PTPRT: variants seen among roughly 807,000 people sequenced by gnomAD.
PTPRT encodes the protein receptor-type tyrosine-protein phosphatase T.
Under a neutral mutation model 176.8 loss-of-function variants are expected in PTPRT, and 56 were observed. That is an observed-to-expected ratio of 0.32 (90% CI 0.26 to 0.40). The LOEUF (loss-of-function observed/expected upper bound fraction) is 0.40, where lower values mean the gene tolerates loss of function less well. PTPRT is among the 10% of genes least tolerant of loss of function. PTPRT has a pLI of 1.00. For synonymous variants in PTPRT, 783 were observed against 739.0 expected (o/e 1.06, Z -0.96); for missense variants, 1,540 against 1,908.2 (o/e 0.81, Z 3.60).
intron 2 of PTPRT, among the ~76,000 whole-genome samples, chr20:42,812,503 C>T (rs1322822382): frequency 4.6e-5 from 7 of 152,056 alleles, no homozygotes; most frequent in Admixed American, 4.6e-4. Flanking sequence ...TGAACAGTAA[C>T]AATTTTTGGG....
chr20:43,045,326 C>A (rs757257226), intron 1 of PTPRT, among the ~76,000 whole-genome samples: 2 of 152,118 alleles, frequency 1.3e-5, no homozygotes, highest in South Asian at 4.1e-4. Flanking sequence ...CCTCCATGGG[C>A]GGATCAGATA....
intron 1 of PTPRT, among the ~76,000 whole-genome samples, chr20:43,106,897 C>G (rs1410160380): frequency 1.3e-5 from 2 of 151,910 alleles, no homozygotes; most frequent in Admixed American, 1.3e-4. Flanking sequence ...TTCAAGCCAT[C>G]CTCCCACCTC....
chr20:42,623,593 C>T (rs1433202837), intron 7 of PTPRT, among the ~76,000 whole-genome samples: 1 of 152,158 alleles, frequency 6.6e-6, no homozygotes, highest in Non-Finnish European at 1.5e-5. Context: ...ATGTGAGAGG[C>T]CTGAGGGACA....
chr20:42,859,150 T>C (rs111599659), intron 2 of PTPRT, among the ~76,000 whole-genome samples: 3,411 of 152,232 alleles, frequency 0.022, 55 homozygotes, highest in Middle Eastern at 0.051. Context: ...ATCAAGAAGG[T>C]ACACCATTTT....
intron 9 of PTPRT, among the ~76,000 whole-genome samples, chr20:42,431,654 T>C (rs1256270534): frequency 6.6e-6 from 1 of 152,180 alleles, no homozygotes; most frequent in Non-Finnish European, 1.5e-5. Flanking sequence ...GTTATAAAAA[T>C]TGGCCAAGAA....
intron 19 of PTPRT, among the ~76,000 whole-genome samples, chr20:42,121,710 T>C (rs2146336615): frequency 6.7e-6 from 1 of 149,054 alleles, no homozygotes; most frequent in South Asian, 2.1e-4. Flanking sequence ...TATATATATA[T>C]ATATATAGTA....
intron 1 of PTPRT, among the ~76,000 whole-genome samples, chr20:43,187,194 T>C (rs1169615905): frequency 6.6e-6 from 1 of 152,250 alleles, no homozygotes; most frequent in East Asian, 1.9e-4. Context: ...AACTATGTTA[T>C]GGATGTAACC....
At chr20:42,703,268 T>C (rs1000989815) in intron 6 of PTPRT, among the ~76,000 whole-genome samples, 5 of 152,160 alleles carry the variant, frequency 3.3e-5, no homozygotes, top group East Asian at 1.9e-4. Context: ...TCTATGGAAG[T>C]GCTGTTTGAA....
intron 18 of PTPRT, among the ~76,000 whole-genome samples, chr20:42,140,541 T>C (rs1211532859): frequency 1.3e-5 from 2 of 152,206 alleles, no homozygotes; most frequent in South Asian, 2.1e-4. Context: ...CTGAATACCA[T>C]GCACCTGTCA....
At chr20:42,363,903 C>T (rs1160803904) in intron 9 of PTPRT, among the ~76,000 whole-genome samples, 3 of 152,086 alleles carry the variant, frequency 2.0e-5, no homozygotes, top group African/African-American at 4.8e-5. Flanking sequence ...AGTGGCCAGT[C>T]TTACTTCCAG....
intron 7 of PTPRT, among the ~76,000 whole-genome samples, chr20:42,593,283 G>A (rs1261017353): frequency 6.6e-6 from 1 of 152,120 alleles, no homozygotes; most frequent in Non-Finnish European, 1.5e-5. Flanking sequence ...GCCTCTGATA[G>A]CCTCCAGGCT....
intron 3 of PTPRT, among the ~76,000 whole-genome samples, chr20:42,783,388 C>T (rs1243304532): frequency 1.3e-5 from 2 of 150,534 alleles, no homozygotes; most frequent in Admixed American, 1.3e-4. Context: ...AAAAAAAAAC[C>T]CAAATCATTC....
intron 1 of PTPRT, among the ~76,000 whole-genome samples, chr20:43,095,086 T>C (rs2012071969): frequency 1.3e-5 from 2 of 152,122 alleles, no homozygotes; most frequent in African/African-American, 4.8e-5. Flanking sequence ...ATTTTGGATA[T>C]TGAGTGTCAT....
At chr20:42,119,180 T>C (rs1987455661) in intron 20 of PTPRT, among the ~76,000 whole-genome samples, 1 of 152,126 alleles carries the variant, frequency 6.6e-6, no homozygotes, top group Admixed American at 6.5e-5. Flanking sequence ...ATACCATTTT[T>C]CTATATTTAT....
chr20:42,486,126 T>C (rs1173904016), intron 7 of PTPRT, among the ~76,000 whole-genome samples: 2 of 152,150 alleles, frequency 1.3e-5, no homozygotes, highest in Admixed American at 6.5e-5. Flanking sequence ...AGATGAGGGG[T>C]TAAAATGCAC....
chr20:43,036,528 GAAGAAAGA>G (rs34139486), intron 1 of PTPRT, among the ~76,000 whole-genome samples: 3 of 151,652 alleles, frequency 2.0e-5, no homozygotes, highest in African/African-American at 7.3e-5. Context: ...AGGCAGAAGA[GAAGAAAGA>G]AAGAGAAAAT....
At chr20:42,090,605 C>T (rs1031934349) in intron 27 of PTPRT, among the ~76,000 whole-genome samples, 1 of 152,130 alleles carries the variant, frequency 6.6e-6, no homozygotes, top group African/African-American at 2.4e-5. Flanking sequence ...GAGCTCGGCT[C>T]CCTGGCTCAC....
chr20:42,840,514 G>A (rs1286616298), intron 2 of PTPRT, among the ~76,000 whole-genome samples: 1 of 152,126 alleles, frequency 6.6e-6, no homozygotes, highest in Admixed American at 6.5e-5. Flanking sequence ...CTGGGTTCAA[G>A]CAATTCTCCT....
intron 2 of PTPRT, among the ~76,000 whole-genome samples, chr20:42,871,071 C>T (rs950839168): frequency 5.9e-5 from 9 of 151,918 alleles, no homozygotes; most frequent in African/African-American, 2.2e-4. Context: ...CTGCCTCAGC[C>T]TCGTGAGTAG....
Sources: allele counts gnomAD v4.1 joint callset (sites outside exome capture counted in the v4.1 genomes callset), GRCh38; gene constraint gnomAD v4.1.1; transcripts MANE v1.5; gene names NCBI Gene and HGNC (gene_info 2026-07-23, HGNC 2026-07-21).